Variants in PDE11A observed in about 807,000 individuals in gnomAD.
PDE11A encodes dual 3',5'-cyclic-AMP and -GMP phosphodiesterase 11A.
A neutral mutation model predicts 100.5 loss-of-function variants in PDE11A; 100 were observed. That is an observed-to-expected ratio of 1.00 (90% CI 0.85 to 1.18). The LOEUF is 1.18. PDE11A is among the 50% of genes most tolerant of loss of function. The probability of loss-of-function intolerance (pLI) is 0.00; values close to 1 mark genes in which losing one functional copy is unlikely to be tolerated. For missense variants in PDE11A, 1,141 were observed against 1,152.6 expected, an observed-to-expected ratio of 0.99 and a Z score of 0.15; for synonymous variants, 381 against 420.8, an observed-to-expected ratio of 0.91 and a Z score of 1.16.
intron 10 of PDE11A, among the ~76,000 whole-genome samples, chr2:177,749,690 T>C (rs1329444557): frequency 6.6e-6 from 1 of 152,176 alleles, no homozygotes; most frequent in African/African-American, 2.4e-5. Context: ...ATATAGTAAG[T>C]GCTCAACTAA....
At chr2:177,778,606 G>C (rs141774482) in intron 9 of PDE11A, among the ~76,000 whole-genome samples, 1 of 152,164 alleles carries the variant, frequency 6.6e-6, no homozygotes, top group African/African-American at 2.4e-5. Context: ...AAGAAATAAA[G>C]AAGCTTTGCT....
At chr2:177,968,472 T>C (rs905674930) in intron 2 of PDE11A, among the ~76,000 whole-genome samples, 2 of 152,240 alleles carry the variant, frequency 1.3e-5, no homozygotes, top group African/African-American at 4.8e-5. Context: ...AAATTTGTAA[T>C]TCTGATGTTC....
chr2:177,996,781 A>G (rs2086081246), intron 2 of PDE11A, among the ~76,000 whole-genome samples: 1 of 152,188 alleles, frequency 6.6e-6, no homozygotes, highest in South Asian at 2.1e-4. Flanking sequence ...TTCTCCATAT[A>G]TTGGGCAAAA....
chr2:177,871,930 T>C (rs182211554), intron 5 of PDE11A, among the ~76,000 whole-genome samples: 1 of 152,208 alleles, frequency 6.6e-6, no homozygotes, highest in African/African-American at 2.4e-5. Context: ...AGGGTTCTTA[T>C]GTTACACTAC....
chr2:177,853,714 TTGTGTG>T (rs71010826), intron 5 of PDE11A, among the ~76,000 whole-genome samples: 1 of 16,290 alleles, frequency 6.1e-5, no homozygotes, highest in African/African-American at 1.7e-4. Context: ...GTGTGTGTGT[TTGTGTG>T]TGTGTGTGTG....
chr2:177,666,957 AC>A (rs755003628), intron 18 of PDE11A, among the ~76,000 whole-genome samples: 1 of 129,314 alleles, frequency 7.7e-6, no homozygotes, highest in East Asian at 2.4e-4. Context: ...TTGCTCTGTC[AC>A]CTGGGCTGGA....
intron 10 of PDE11A, among the ~76,000 whole-genome samples, chr2:177,758,672 C>T (rs1312524192): frequency 6.6e-6 from 1 of 152,248 alleles, no homozygotes; most frequent in Non-Finnish European, 1.5e-5. Context: ...AATGTAGCAT[C>T]TGACCTGCTG....
Position 178,039,674 on chromosome 2 carries a change from AAAAAT to A in PDE11A, c.913-25219_913-25215del, listed in dbSNP as rs141299349. Among the ~76,000 whole-genome samples the A allele has an allele frequency of 6.8e-4, 104 of 151,956 alleles. No individual in the cohort carries two copies. The East Asian group carries it at 0.018, about 26-fold the overall frequency. On this transcript the variant is annotated intron_variant, in intron 1 of 19. Coordinates refer to ENST00000286063, the MANE Select transcript of PDE11A (RefSeq NM_016953.4). ...AAGCAAAAAATAAAAATAAATAAAT[AAAAAT>A]AAAATAAAATAAAATAACTAGAAAT...
chr2:177,734,763 CT>C (rs2081747999), intron 10 of PDE11A, among the ~76,000 whole-genome samples: 1 of 152,108 alleles, frequency 6.6e-6, no homozygotes, highest in Non-Finnish European at 1.5e-5. Context: ...ACACAAGAGC[CT>C]AGCACAGTGC....
In PDE11A at chr2:177,631,291, C is replaced by CAAAA. The variant is rs869059416; in HGVS notation, c.2647-1733_2647-1730dup. Reference sequence around the variant, plus strand: ...TGAAACCTCATCTCTACTAAAAATGCAAAAAAAAAAAAAAAAAAACAAAAA... The same window carrying CAAAA: ...TGAAACCTCATCTCTACTAAAAATGCAAAAAAAAAAAAAAAAAAAAAAACAAAAA... On this transcript the variant is annotated intron_variant, in intron 19 of 19. Transcript: ENST00000286063. 7.6e-4 allele frequency among the ~76,000 whole-genome samples: 9 copies of CAAAA among 11,854 alleles called. 1 individual carries two copies. Among genetic ancestry groups the CAAAA allele is most frequent in the Non-Finnish European group, 1.4e-3 (7 of 5,168 alleles). The allele number at this position is 11,854 out of a possible 152,430, so 7.8% of individuals were successfully genotyped here.
At chr2:177,765,206 T>A (rs7566399) in intron 10 of PDE11A, among the ~76,000 whole-genome samples, 1 of 152,022 alleles carries the variant, frequency 6.6e-6, no homozygotes, top group African/African-American at 2.4e-5. Flanking sequence ...CATTCTAGAA[T>A]AGGGGGAGAA....
chr2:177,913,440 A>G (rs2105745389), intron 2 of PDE11A, among the ~76,000 whole-genome samples: 1 of 152,270 alleles, frequency 6.6e-6, no homozygotes, highest in East Asian at 1.9e-4. Context: ...CAATATAAAC[A>G]CATTTACTTT....
intron 18 of PDE11A, among the ~76,000 whole-genome samples, chr2:177,664,335 G>A (rs142541626): frequency 2.6e-4 from 39 of 152,214 alleles, no homozygotes; most frequent in African/African-American, 8.4e-4. Context: ...ATGAGAGGTT[G>A]GGATAGAATA....
intron 2 of PDE11A, among the ~76,000 whole-genome samples, chr2:178,006,431 A>C (rs1323933095): frequency 6.6e-6 from 1 of 152,200 alleles, no homozygotes; most frequent in African/African-American, 2.4e-5. Context: ...AGGGTAGACC[A>C]GTTTTTGTTG....
chr2:177,748,541 C>T (rs1274906253), intron 10 of PDE11A, among the ~76,000 whole-genome samples: 6 of 151,970 alleles, frequency 3.9e-5, no homozygotes. Context: ...ACTGGTAATT[C>T]TTGGAAGAGT....
chr2:177,826,661 C>T (rs1353388700), intron 6 of PDE11A, among the ~76,000 whole-genome samples: 1 of 152,352 alleles, frequency 6.6e-6, no homozygotes, highest in Middle Eastern at 3.4e-3. Context: ...ACTGCCCATG[C>T]AGCAAAGTCT....
At chr2:178,061,047 A>G (rs1199903768) in intron 1 of PDE11A, among the ~76,000 whole-genome samples, 1 of 149,800 alleles carries the variant, frequency 6.7e-6, no homozygotes, top group Non-Finnish European at 1.5e-5. Flanking sequence ...GGGTTCAAAC[A>G]ATTCTCCTGC....
chr2:177,955,019 T>C (rs2085545082), intron 2 of PDE11A, among the ~76,000 whole-genome samples: 1 of 152,190 alleles, frequency 6.6e-6, no homozygotes, highest in Non-Finnish European at 1.5e-5. Flanking sequence ...CAGTGGAGCA[T>C]AATTCAATTT....
intron 19 of PDE11A, among the ~76,000 whole-genome samples, chr2:177,655,471 T>A (rs1033200625): frequency 6.6e-6 from 1 of 152,190 alleles, no homozygotes; most frequent in African/African-American, 2.4e-5. Flanking sequence ...AATCCATTCT[T>A]CTATTAATGA....
Sources: gnomAD v4.1 joint callset for allele counts (sites outside exome capture counted in the v4.1 genomes callset) on GRCh38, gnomAD v4.1.1 for gene constraint, MANE v1.5 for transcripts, NCBI Gene and HGNC (gene_info 2026-07-23, HGNC 2026-07-21) for gene names.